BMP2: variants seen among roughly 807,000 people sequenced by gnomAD.
BMP2 encodes the protein bone morphogenetic protein 2.
In BMP2, 2 loss-of-function variants were observed where a neutral mutation model predicts 28.8. The observed-to-expected ratio is 0.07, with a 90% confidence interval of 0.03 to 0.22. The LOEUF is 0.22. Among genes scored for constraint, BMP2 ranks in the 10% least tolerant of loss-of-function variants. BMP2 has a pLI of 1.00. For synonymous variants in BMP2, 218 were observed against 204.3 expected, an observed-to-expected ratio of 1.07 and a Z score of -0.57; for missense variants, 437 against 517.7, an observed-to-expected ratio of 0.84 and a Z score of 1.51.
rs958224643 is a variant in BMP2 at position 6,778,136 on chromosome 20, A to G, written c.347-109A>G. The stretch of plus-strand genomic sequence containing the variant: ...ACCTACTTTTACATGGGTTACATCA[A>G]ATCCCACGATGAGGTTTAAAAATTC... On this transcript the variant is annotated intron_variant, in intron 2 of 2. Coordinates refer to ENST00000378827, the MANE Select transcript of BMP2 (RefSeq NM_001200.4). The surrounding 1 kb of genome is among the most constrained non-coding windows in gnomAD (Gnocchi z 5.0). 2.7e-6 allele frequency: 4 copies of G among 1,472,100 alleles called. No homozygotes were observed. The highest frequency in any genetic ancestry group is 2.4e-5 in the Admixed American group (1 of 42,260). The allele number at this position is 1,472,100 out of a possible 1,614,324, so 91.2% of individuals were successfully genotyped here. A position where few individuals can be genotyped will look rare whatever the true frequency, so the allele number is the denominator to read the frequency against.
chr20:6,778,223 C>T lies in BMP2; in HGVS notation c.347-22C>T, dbSNP rs1205833005. On this transcript the variant is annotated intron_variant, in intron 2 of 2. Transcript: ENST00000378827. This position sits in a 1 kb window ranked among gnomAD's most constrained non-coding sequence, Gnocchi z 5.0. Reference sequence around the variant, plus strand: ...AATTCAGACTTTTCTTTTTTCTTCCCTGTTTTTCTCTATCAAATTAGAATC... The same window carrying T: ...AATTCAGACTTTTCTTTTTTCTTCCTTGTTTTTCTCTATCAAATTAGAATC... 1.3e-6 allele frequency: 2 copies of T among 1,552,820 alleles called. No homozygotes were observed. The highest frequency in any genetic ancestry group is 2.2e-5 in the Admixed American group (1 of 46,306).
intron 2 of BMP2, among the ~76,000 whole-genome samples, chr20:6,777,144 G>A (rs1299851826): frequency 6.6e-6 from 1 of 152,008 alleles, no homozygotes; most frequent in Non-Finnish European, 1.5e-5. Context: ...AGCATTCAAG[G>A]TGCTGTGTTA....
chr20:6,776,184 A>T (rs760864654), intron 2 of BMP2, among the ~76,000 whole-genome samples: 3 of 152,198 alleles, frequency 2.0e-5, no homozygotes, highest in Non-Finnish European at 2.9e-5. Context: ...TCAAATGGTC[A>T]GAAGGTTATT....
intron 1 of BMP2, among the ~76,000 whole-genome samples, chr20:6,769,615 GTGTGT>G: frequency 9.0e-6 from 1 of 111,356 alleles, no homozygotes. Context: ...CTATAAGGGT[GTGTGT>G]GTGTGTGTGT....
chr20:6,768,179 G>A lies in BMP2; in HGVS notation c.-704G>A. 5.0e-6 allele frequency: 2 copies of A among 398,184 alleles called. No homozygotes were observed. The highest frequency in any genetic ancestry group is 8.9e-6 in the Non-Finnish European group (2 of 225,878). 24.7% of individuals were successfully genotyped at this position (398,184 alleles called of 1,614,324 possible). A position where few individuals can be genotyped will look rare whatever the true frequency, so the allele number is the denominator to read the frequency against. ...GCCTCGGCGGCCCGGGACTCGGCTC[G>A]ACTCGCCGGAGAATGCGCCCGAGGA... On this transcript the variant is annotated 5_prime_UTR_variant, in exon 1 of 3. Coordinates refer to ENST00000378827, the MANE Select transcript of BMP2 (RefSeq NM_001200.4).
rs1314263083 is a variant in BMP2 at position 6,770,006 on chromosome 20, C to T, written c.-7-114C>T. The T allele has an allele frequency of 3.6e-6, 4 of 1,126,196 alleles. No individual in the cohort carries two copies. In the East Asian group the frequency reaches 7.8e-5, roughly 22 times the overall value. The allele number at this position is 1,126,196 out of a possible 1,614,324, so 69.8% of individuals were successfully genotyped here. A position where few individuals can be genotyped will look rare whatever the true frequency, so the allele number is the denominator to read the frequency against. Reference sequence around the variant, plus strand: ...ACCTAGACTCGTGAGTGTGCCAAGCCAGGAGGGCATCCTGGAGGAGGCACG... The same window carrying T: ...ACCTAGACTCGTGAGTGTGCCAAGCTAGGAGGGCATCCTGGAGGAGGCACG... On this transcript the variant is annotated intron_variant, in intron 1 of 2. Transcript: ENST00000378827.
intron 2 of BMP2, 105 bp downstream of exon 2, chr20:6,770,577 G>C: frequency 4.4e-6 from 5 of 1,143,514 alleles, no homozygotes; most frequent in Non-Finnish European, 4.8e-6. Context: ...CGGGGCACCA[G>C]CGGACGTTTC....
At chr20:6,770,708 G>C (rs1311150407) in intron 2 of BMP2, among the ~76,000 whole-genome samples, 1 of 152,246 alleles carries the variant, frequency 6.6e-6, no homozygotes, top group African/African-American at 2.4e-5. Flanking sequence ...AGCCAGAAGA[G>C]CTACTCCTCC....
At chr20:6,777,537 A>G (rs1181431961) in intron 2 of BMP2, among the ~76,000 whole-genome samples, 2 of 152,296 alleles carry the variant, frequency 1.3e-5, no homozygotes, top group Middle Eastern at 3.4e-3. Context: ...AGAACAGACA[A>G]CAGTTGGGAA....
chr20:6,778,408 A>G lies in BMP2; in HGVS notation c.510A>G (p.Arg170=). The change falls in exon 3 of 3, where the codon CGA becomes CGG. Residue 170 remains arginine (R), a synonymous_variant. Coordinates refer to ENST00000378827, the MANE Select transcript of BMP2 (RefSeq NM_001200.4). The surrounding 1 kb of genome is among the most constrained non-coding windows in gnomAD (Gnocchi z 5.0). ...ALGNNSSFHH[R]INIYEIIKPA... is the part of the protein sequence containing the mutation. The stretch of plus-strand genomic sequence containing the variant: ...GAAACAATAGCAGTTTCCATCACCG[A>G]ATTAATATTTATGAAATCATAAAAC... 6.2e-7 allele frequency: 1 copy of G among 1,614,204 alleles called. No homozygotes were observed. The highest frequency in any genetic ancestry group is 1.1e-5 in the South Asian group (1 of 91,088).
In BMP2 at chr20:6,768,575, T is replaced by C. The variant is rs1986312316; in HGVS notation, c.-308T>C. 5.1e-6 allele frequency: 2 copies of C among 393,756 alleles called. No homozygotes were observed. The highest frequency in any genetic ancestry group is 4.4e-5 in the Admixed American group (1 of 22,582). 24.4% of individuals were successfully genotyped at this position (393,756 alleles called of 1,614,324 possible). On this transcript the variant is annotated 5_prime_UTR_variant, in exon 1 of 3. Transcript: ENST00000378827. ...GCACTTGGCTGGGGACTTCTTGAAC[T>C]TGCAGGGAGAATAACTTGCGCACCC...
chr20:6,771,160 T>G (rs1986390487), intron 2 of BMP2, among the ~76,000 whole-genome samples: 1 of 151,620 alleles, frequency 6.6e-6, no homozygotes, highest in South Asian at 2.1e-4. Flanking sequence ...AGCAGCTGCC[T>G]GTTTTTTTTT....
intron 2 of BMP2, among the ~76,000 whole-genome samples, chr20:6,775,887 G>T (rs537256360): frequency 2.0e-4 from 30 of 152,114 alleles, no homozygotes; most frequent in African/African-American, 5.8e-4. Flanking sequence ...GATTTCTCTG[G>T]GCACTTTTGT....
At chr20:6,768,944 A>G (rs1379318172) in intron 1 of BMP2, 69 bp downstream of exon 1, 7 of 398,396 alleles carry the variant, frequency 1.8e-5, no homozygotes, top group Non-Finnish European at 3.1e-5. Context: ...CCACTGCGGT[A>G]GAGCCCTTCC....
chr20:6,778,031 T>C lies in BMP2; in HGVS notation c.347-214T>C, dbSNP rs1049053916. Among the ~76,000 whole-genome samples the C allele has an allele frequency of 6.6e-6, 1 of 152,168 alleles. No homozygotes were observed. Reference sequence around the variant, plus strand: ...TGAAAGGTTGTTTCCTGGTATGCAATGCATGATGACATGAACTTACAGAAC... The same window carrying C: ...TGAAAGGTTGTTTCCTGGTATGCAACGCATGATGACATGAACTTACAGAAC... On this transcript the variant is annotated intron_variant, in intron 2 of 2. Transcript: ENST00000378827. This position sits in a 1 kb window ranked among gnomAD's most constrained non-coding sequence, Gnocchi z 5.0.
At position 6,770,400 on chromosome 20, in the gene BMP2, T is replaced by C; in HGVS notation, c.274T>C (p.Ser92Pro). 6.2e-7 allele frequency: 1 copy of C among 1,612,434 alleles called. No individual in the cohort carries two copies. Among genetic ancestry groups the C allele is most frequent in the Non-Finnish European group, 8.5e-7 (1 of 1,179,532 alleles). Residue 92 changes from serine (S) to proline (P), a missense_variant, in exon 2 of 3, where the codon TCA (serine) becomes CCA (proline). Physicochemically the swap from Ser to Pro is moderately conservative, Grantham distance 74. Transcript: ENST00000378827. ...LYRRHSGQPG[S>P]PAPDHRLERA... ...TCGCAGGCACTCAGGTCAGCCGGGC[T>C]CACCCGCCCCAGACCACCGGTTGGA...
chr20:6,772,849 T>C (rs976503176), intron 2 of BMP2, among the ~76,000 whole-genome samples: 5 of 152,244 alleles, frequency 3.3e-5, no homozygotes, highest in Non-Finnish European at 7.3e-5. Flanking sequence ...GGCTTTTATT[T>C]GGGAGAATAT....
In BMP2 at chr20:6,770,485, G is replaced by A. The variant is rs1222326452; in HGVS notation, c.346+13G>A. ...TTCCACCATGAAGGTGAGGCATGGA[G>A]CAGGGCGTGGGGGCGGGGAGTCACC... On this transcript the variant is annotated intron_variant, in intron 2 of 2. Transcript: ENST00000378827. The A allele has an allele frequency of 1.3e-6, 2 of 1,571,466 alleles. No individual in the cohort carries two copies. Among genetic ancestry groups the A allele is most frequent in the Non-Finnish European group, 1.7e-6 (2 of 1,153,682 alleles).
chr20:6,771,879 A>ATG (rs1265183002), intron 2 of BMP2, among the ~76,000 whole-genome samples: 2 of 152,216 alleles, frequency 1.3e-5, no homozygotes, highest in East Asian at 3.8e-4. Context: ...ATTTGTGTGT[A>ATG]TGTGTACATT....
Sources: allele counts gnomAD v4.1 joint callset (sites outside exome capture counted in the v4.1 genomes callset), GRCh38; gene constraint gnomAD v4.1.1; non-coding constraint Gnocchi (gnomAD v3.1); transcripts MANE v1.5; gene names NCBI Gene and HGNC (gene_info 2026-07-23, HGNC 2026-07-21).